The following CAPN2 variants were observed in gnomAD, a reference collection of about 807,000 sequenced individuals.
CAPN2 encodes calpain 2, also known as calpain-2 catalytic subunit.
Under a neutral mutation model 102.3 loss-of-function variants are expected in CAPN2, and 92 were observed. The observed-to-expected ratio is 0.90, with a 90% confidence interval of 0.76 to 1.07. The LOEUF (loss-of-function observed/expected upper bound fraction) is 1.07, where lower values mean the gene tolerates loss of function less well. Ranked by LOEUF, CAPN2 falls within the 50% of genes least tolerant of loss-of-function variation. CAPN2 has a pLI of 0.00. For missense variants in CAPN2, 800 were observed against 909.4 expected (o/e 0.88, Z 1.55); for synonymous variants, 340 against 355.4 (o/e 0.96, Z 0.49).
intron 6 of CAPN2, 140 bp downstream of exon 6, chr1:223,749,262 C>T (rs1660828055): frequency 2.8e-6 from 2 of 703,038 alleles, no homozygotes; most frequent in Admixed American, 5.5e-5. Context: ...TGAAGTTCCG[C>T]GCGGGAGGAG....
At chr1:223,728,913 A>G (rs138042887) in intron 2 of CAPN2, among the ~76,000 whole-genome samples, 173 of 152,346 alleles carry the variant, frequency 1.1e-3, no homozygotes, top group African/African-American at 3.8e-3. Context: ...TTTACTGGGC[A>G]TCTGTTATAG....
In CAPN2 at chr1:223,775,088, T is replaced by C; in HGVS notation, c.*231T>C. ...TAAATGCAAATGAGTCGCTTAACCC[T>C]TGACAAGGTCAAAGAAAGCTTTAAA... is the stretch of plus-strand genomic sequence containing the variant. On this transcript the variant is annotated 3_prime_UTR_variant, in exon 21 of 21. Transcript: ENST00000295006. 1 of 544,616 alleles carries C rather than the reference T, an allele frequency of 1.8e-6. No homozygotes were observed. Among genetic ancestry groups the C allele is most frequent in the Non-Finnish European group, 3.2e-6 (1 of 309,022 alleles). 33.7% of individuals were successfully genotyped at this position (544,616 alleles called of 1,614,324 possible).
At chr1:223,723,526 G>A (rs542526890) in intron 2 of CAPN2, among the ~76,000 whole-genome samples, 25 of 151,896 alleles carry the variant, frequency 1.6e-4, no homozygotes, top group East Asian at 1.9e-4. Context: ...ATGTCCCCTC[G>A]GCTTCTCTTC....
chr1:223,753,006 C>G, intron 9 of CAPN2, 50 bp downstream of exon 9: 1 of 1,571,674 alleles, frequency 6.4e-7, no homozygotes, highest in Non-Finnish European at 8.7e-7. Context: ...CCACCAAAGG[C>G]CAAAGCTCCC....
At chr1:223,746,307 TC>T (rs779478825) in intron 4 of CAPN2, among the ~76,000 whole-genome samples, 1 of 152,056 alleles carries the variant, frequency 6.6e-6, no homozygotes, top group Non-Finnish European at 1.5e-5. Flanking sequence ...TGCCTGTTTC[TC>T]AGAGAAACTG....
intron 6 of CAPN2, among the ~76,000 whole-genome samples, chr1:223,750,152 A>G (rs915852072): frequency 6.6e-5 from 10 of 152,208 alleles, no homozygotes; most frequent in Non-Finnish European, 1.5e-4. Context: ...TTTTTATTTG[A>G]AAATTTTCAC....
chr1:223,734,964 G>T (rs1342779908), intron 2 of CAPN2, among the ~76,000 whole-genome samples: 1 of 152,096 alleles, frequency 6.6e-6, no homozygotes, highest in Admixed American at 6.6e-5. Flanking sequence ...CAACCATTCG[G>T]GGTGGGAGTG....
chr1:223,771,887 A>G lies in CAPN2; in HGVS notation c.1982A>G (p.Asn661Ser). 3 of 1,614,084 alleles carry G rather than the reference A, an allele frequency of 1.9e-6. No individual in the cohort carries two copies. The highest frequency in any genetic ancestry group is 2.5e-6 in the Non-Finnish European group (3 of 1,179,962). ...GACCAGCTCATCATCGATTTTGATAATTTTGTTCGGTGTTTGGTTCGGCTG... is the reference window on the plus strand; with the variant it reads ...GACCAGCTCATCATCGATTTTGATAGTTTTGTTCGGTGTTTGGTTCGGCTG... ...ADDQLIIDFD[N>S]FVRCLVRLET... is the part of the protein sequence containing the mutation. The change falls in exon 19 of 21, where the codon AAT becomes AGT. Residue 661 changes from asparagine to serine, a missense_variant. By Grantham distance (46) the Asn-to-Ser change is conservative. Transcript: ENST00000295006.
In CAPN2 at chr1:223,759,443, C is replaced by T; in HGVS notation, c.1491C>T (p.Phe497=). The stretch of plus-strand genomic sequence containing the variant: ...TCGAACCCAACAAGGATGGGGATTT[C>T]TGCATCCGGGTCTTTTCTGAAAAGA... ...STFEPNKDGD[F]CIRVFSEKKA... The change falls in exon 12 of 21, where the codon TTC becomes TTT. Residue 497 remains phenylalanine (F), a synonymous_variant. Transcript: ENST00000295006. The surrounding 1 kb of genome is among the most constrained non-coding windows in gnomAD (Gnocchi z 4.6). 1 of 1,614,176 alleles carries T rather than the reference C, an allele frequency of 6.2e-7. No individual in the cohort carries two copies. The highest frequency in any genetic ancestry group is 8.5e-7 in the Non-Finnish European group (1 of 1,180,044).
At chr1:223,749,454 CT>C in intron 6 of CAPN2, 3 of 380,412 alleles carry the variant, frequency 7.9e-6, no homozygotes, top group South Asian at 4.0e-5. Flanking sequence ...GTGTTTTATA[CT>C]CTATAAGGTG....
intron 16 of CAPN2, among the ~76,000 whole-genome samples, chr1:223,769,080 G>A (rs1661404646): frequency 6.6e-6 from 1 of 152,128 alleles, no homozygotes; most frequent in Non-Finnish European, 1.5e-5. Context: ...GTAAGGGGCA[G>A]CCTAAGCTTC....
rs1008767709 is a variant in CAPN2 at position 223,775,279 on chromosome 1, T to C, written c.*422T>C. On this transcript the variant is annotated 3_prime_UTR_variant, in exon 21 of 21. Coordinates refer to ENST00000295006, the MANE Select transcript of CAPN2 (RefSeq NM_001748.5). Reference sequence around the variant, plus strand: ...AGGGAATATTTAAAGCAACTTCAAGTTTAAAATGCAGCTGTTGATTCTACC... The same window carrying C: ...AGGGAATATTTAAAGCAACTTCAAGCTTAAAATGCAGCTGTTGATTCTACC... 3.6e-5 allele frequency: 6 copies of C among 168,506 alleles called. No individual in the cohort carries two copies. Among genetic ancestry groups the C allele is most frequent in the African/African-American group, 1.5e-4 (6 of 40,954 alleles). 10.4% of individuals were successfully genotyped at this position (168,506 alleles called of 1,614,324 possible).
chr1:223,735,161 A>T (rs1012559089), intron 2 of CAPN2, among the ~76,000 whole-genome samples: 1 of 152,164 alleles, frequency 6.6e-6, no homozygotes, highest in Non-Finnish European at 1.5e-5. Flanking sequence ...ACAGCTGAGA[A>T]CACACCAGCT....
Position 223,726,237 on chromosome 1 carries a change from G to A in CAPN2, c.307+8406G>A, listed in dbSNP as rs1447819258. Among the ~76,000 whole-genome samples the A allele has an allele frequency of 1.3e-5, 2 of 152,180 alleles. No individual in the cohort carries two copies. Among genetic ancestry groups the A allele is most frequent in the East Asian group, 1.9e-4 (1 of 5,198 alleles). ...ATTTAAGACAGGAATTGGCAGCCGA[G>A]GGCAAGGTTCCACCTCCTCCTCCCT... On this transcript the variant is annotated intron_variant, in intron 2 of 20. Transcript: ENST00000295006. The surrounding 1 kb of genome is among the most constrained non-coding windows in gnomAD (Gnocchi z 4.4).
intron 2 of CAPN2, among the ~76,000 whole-genome samples, chr1:223,741,421 GTA>G (rs1456093943): frequency 5.4e-5 from 7 of 128,458 alleles, no homozygotes; most frequent in Non-Finnish European, 9.5e-5. Flanking sequence ...GCTGTAAAAT[GTA>G]TATATATATA....
In CAPN2 at chr1:223,772,192, C is replaced by T; in HGVS notation, c.2032C>T (p.Gln678Ter). ...TTCTCCCTCCACAGAGATATTTAAG[C>T]AGCTGGATCCCGAGAATACTGGAAC... is the stretch of plus-strand genomic sequence containing the variant. Reference protein sequence around the residue: ...RLETLFKIFKQLDPENTGTIE... With the variant: ...RLETLFKIFK The change falls in exon 20 of 21, where the codon CAG (glutamine) becomes TAG (stop). Residue 678 changes from glutamine to a stop codon, truncating the protein, a stop_gained. Coordinates refer to ENST00000295006, the MANE Select transcript of CAPN2 (RefSeq NM_001748.5). LOFTEE classifies it high-confidence loss of function. 6.2e-7 allele frequency: 1 copy of T among 1,614,080 alleles called. No homozygotes were observed. Among genetic ancestry groups the T allele is most frequent in the Non-Finnish European group, 8.5e-7 (1 of 1,179,956 alleles).
At chr1:223,730,535 A>G (rs944553655) in intron 2 of CAPN2, among the ~76,000 whole-genome samples, 2 of 152,200 alleles carry the variant, frequency 1.3e-5, no homozygotes, top group Non-Finnish European at 2.9e-5. Flanking sequence ...ATTTTGGGCT[A>G]AAATACTTTG....
At chr1:223,751,361 C>T (rs888066245) in intron 7 of CAPN2, among the ~76,000 whole-genome samples, 1 of 152,234 alleles carries the variant, frequency 6.6e-6, no homozygotes, top group African/African-American at 2.4e-5. Context: ...AAACATCCCT[C>T]TGTTGATTTC....
chr1:223,755,568 G>T lies in CAPN2; in HGVS notation c.1224G>T (p.Leu408=), dbSNP rs754897634. 7 of 1,613,854 alleles carry T rather than the reference G, an allele frequency of 4.3e-6. No individual in the cohort carries two copies. The highest frequency in any genetic ancestry group is 5.9e-6 in the Non-Finnish European group (7 of 1,179,958). ...ATGGGGAGAGCGGCTGCACCTTCCT[G>T]GTGGGGCTCATTCAGAAGCACCGAC... ...EEDGESGCTF[L]VGLIQKHRRR... Residue 408 remains leucine, a synonymous_variant, in exon 10 of 21, where the codon CTG becomes CTT. Transcript: ENST00000295006. This position sits in a 1 kb window ranked among gnomAD's most constrained non-coding sequence, Gnocchi z 4.1.
Sources: allele counts gnomAD v4.1 joint callset (sites outside exome capture counted in the v4.1 genomes callset), GRCh38; gene constraint gnomAD v4.1.1; non-coding constraint Gnocchi (gnomAD v3.1); transcripts MANE v1.5; gene names NCBI Gene and HGNC (gene_info 2026-07-23, HGNC 2026-07-21).